SART3: variants seen among roughly 807,000 people sequenced by gnomAD.
SART3 encodes the protein HIV-1 Tat-interacting protein of 110kDa.
SART3 carries 44 observed loss-of-function variants against 122.3 expected under a neutral mutation model. The ratio of observed to expected loss-of-function variants is 0.36; its 90% CI spans 0.28 to 0.46. SART3 has a LOEUF of 0.46. Among genes scored for constraint, SART3 ranks in the 20% least tolerant of loss-of-function variants. The pLI is 1.00. For synonymous variants in SART3, 442 were observed against 454.0 expected (o/e 0.97, Z 0.34); for missense variants, 1,101 against 1,229.0 (o/e 0.90, Z 1.56).
intron 1 of SART3, among the ~76,000 whole-genome samples, chr12:108,552,065 G>A (rs1477468247): frequency 6.6e-6 from 1 of 152,098 alleles, no homozygotes; most frequent in Non-Finnish European, 1.5e-5. Flanking sequence ...ATCAATTACT[G>A]TAATCCAGTG....
At chr12:108,539,994 T>C (rs1565862613) in intron 6 of SART3, among the ~76,000 whole-genome samples, 1 of 152,230 alleles carries the variant, frequency 6.6e-6, no homozygotes, top group Non-Finnish European at 1.5e-5. Flanking sequence ...CATTAACCTT[T>C]TGCTGGCTTG....
intron 5 of SART3, 64 bp from the exon 6 acceptor site, chr12:108,543,216 T>C: frequency 6.3e-7 from 1 of 1,594,744 alleles, no homozygotes; most frequent in Non-Finnish European, 8.6e-7. Context: ...CAAACACAGA[T>C]TAAGCCATGA....
At chr12:108,536,658 A>G (rs749353827) in intron 10 of SART3, 50 bp downstream of exon 10, 2 of 1,609,150 alleles carry the variant, frequency 1.2e-6, no homozygotes, top group East Asian at 4.5e-5. Flanking sequence ...AGGAAATAGT[A>G]CAGACAAGGA....
intron 1 of SART3, among the ~76,000 whole-genome samples, chr12:108,557,048 G>A (rs2030248944): frequency 6.6e-6 from 1 of 152,142 alleles, no homozygotes; most frequent in Admixed American, 6.5e-5. Flanking sequence ...AGGGTAAAAT[G>A]ATGAAGATAC....
At position 108,523,145 on chromosome 12, in the gene SART3, T is replaced by G. The variant is rs1036140224; in HGVS notation, c.*312A>C. Reference sequence around the variant, plus strand: ...AGCTGGCCAGAAACATTTGGACAACTGTGTCTCAAAAACAGTGTGTTCTCG... The same window carrying G: ...AGCTGGCCAGAAACATTTGGACAACGGTGTCTCAAAAACAGTGTGTTCTCG... On this transcript the variant is annotated 3_prime_UTR_variant, in exon 19 of 19. Transcript: ENST00000546815. 1 of 461,288 alleles carries G rather than the reference T, an allele frequency of 2.2e-6. No homozygotes were observed. Among genetic ancestry groups the G allele is most frequent in the Non-Finnish European group, 4.0e-6 (1 of 252,014 alleles). The allele number at this position is 461,288 out of a possible 1,614,324, so 28.6% of individuals were successfully genotyped here.
chr12:108,549,685 T>C (rs1462195632), intron 1 of SART3, among the ~76,000 whole-genome samples: 1 of 152,178 alleles, frequency 6.6e-6, no homozygotes. Flanking sequence ...TTAGCACATG[T>C]GAGGTACACT....
intron 13 of SART3, chr12:108,532,015 TCA>T: frequency 1.7e-6 from 1 of 575,272 alleles, no homozygotes; most frequent in South Asian, 1.8e-5. Context: ...TACAGTGACA[TCA>T]CAGAGTCCTC....
chr12:108,528,595 C>T (rs1230970889), intron 15 of SART3, among the ~76,000 whole-genome samples: 3 of 151,966 alleles, frequency 2.0e-5, no homozygotes, highest in Admixed American at 1.3e-4. Context: ...GACAGGCAGG[C>T]ATGGGGCAGT....
intron 16 of SART3, 131 bp downstream of exon 16, chr12:108,525,968 C>A: frequency 1.3e-6 from 1 of 798,838 alleles, no homozygotes; most frequent in Non-Finnish European, 2.0e-6. Context: ...TGGACCTTGG[C>A]TCACAAGGAA....
rs747290989 is a variant in SART3 at position 108,543,083 on chromosome 12, T to C, written c.851A>G (p.Asn284Ser). The stretch of plus-strand genomic sequence containing the variant: ...CAGCTGCTGTAGTGCTTTGTTATAG[T>C]TCTGAATTACTGACTCTGGTATTGG... ...EDPIPESVIQNYNKALQQLEK... is the reference protein window; with the variant it reads ...EDPIPESVIQSYNKALQQLEK... The change falls in exon 6 of 19, where the codon AAC becomes AGC. Residue 284 changes from asparagine (N) to serine (S), a missense_variant. Asn to Ser is a conservative substitution (Grantham distance 46). Transcript: ENST00000546815. 1.4e-5 allele frequency: 22 copies of C among 1,614,256 alleles called. No individual in the cohort carries two copies. In the Middle Eastern group the frequency reaches 8.2e-4, roughly 61 times the overall value.
chr12:108,545,947 G>C (rs1481133532), intron 3 of SART3, among the ~76,000 whole-genome samples: 1 of 104,908 alleles, frequency 9.5e-6, no homozygotes, highest in Non-Finnish European at 1.8e-5. Flanking sequence ...CAGCCTAAGC[G>C]AAAGAGTAAG....
chr12:108,548,938 C>A, intron 2 of SART3, 150 bp downstream of exon 2: 1 of 1,203,290 alleles, frequency 8.3e-7, no homozygotes, highest in Non-Finnish European at 1.2e-6. Flanking sequence ...CTACAATAAA[C>A]TAAAAATAGC....
intron 11 of SART3, 27 bp from the exon 12 acceptor site, chr12:108,535,495 A>G: frequency 6.3e-7 from 1 of 1,585,592 alleles, no homozygotes; most frequent in Non-Finnish European, 8.7e-7. Context: ...GGCTGTTAGG[A>G]GACCTGAACC....
chr12:108,525,776 C>T (rs529670219), intron 16 of SART3, 167 bp from the exon 17 acceptor site: 2 of 696,740 alleles, frequency 2.9e-6, no homozygotes, highest in African/African-American at 1.8e-5. Flanking sequence ...GTCACTTAAC[C>T]TCTCCAGGCC....
rs145680117 is a variant in SART3, at chr12:108,544,463, T to C, written c.745A>G (p.Ser249Gly). ...ATCGCCAACTGTCGCCGGAAAAGAC[T>C]GTGGACTTTCTCAAGCTGTGAATCA... is the stretch of plus-strand genomic sequence containing the variant. Reference protein sequence around the residue: ...VEAARLEKVHSLFRRQLAIPL... With the variant: ...VEAARLEKVHGLFRRQLAIPL... The change falls in exon 5 of 19, where the codon AGT (serine) becomes GGT (glycine). Residue 249 changes from serine to glycine, a missense_variant. Ser to Gly is a moderately conservative substitution (Grantham distance 56). Transcript: ENST00000546815. 1.9e-6 allele frequency: 3 copies of C among 1,614,092 alleles called. No individual in the cohort carries two copies. Among genetic ancestry groups the C allele is most frequent in the African/African-American group, 2.7e-5 (2 of 74,938 alleles).
intron 1 of SART3, among the ~76,000 whole-genome samples, chr12:108,553,378 T>C (rs1188716792): frequency 6.6e-6 from 1 of 152,196 alleles, no homozygotes; most frequent in Non-Finnish European, 1.5e-5. Context: ...GGGTAAAAAG[T>C]ACACGAAAAA....
At chr12:108,540,700 C>G (rs1873123024) in intron 6 of SART3, among the ~76,000 whole-genome samples, 1 of 147,888 alleles carries the variant, frequency 6.8e-6, no homozygotes, top group Non-Finnish European at 1.5e-5. Context: ...GGGACTCACC[C>G]TATCCAAGAG....
intron 3 of SART3, among the ~76,000 whole-genome samples, chr12:108,546,945 G>C (rs1047440552): frequency 2.6e-5 from 4 of 152,036 alleles, no homozygotes; most frequent in African/African-American, 7.2e-5. Context: ...TCAGCCTCTT[G>C]AGTAGCTGAG....
intron 6 of SART3, among the ~76,000 whole-genome samples, chr12:108,541,998 CTTTTT>C (rs55746158): frequency 4.4e-5 from 3 of 68,056 alleles, no homozygotes; most frequent in East Asian, 4.8e-4. Context: ...CCAAGCCCGG[CTTTTT>C]TTTTTTTTTT....
Sources: allele counts gnomAD v4.1 joint callset (sites outside exome capture counted in the v4.1 genomes callset), GRCh38; gene constraint gnomAD v4.1.1; transcripts MANE v1.5; gene names NCBI Gene and HGNC (gene_info 2026-07-23, HGNC 2026-07-21).